The following SCFD1 variants were observed in gnomAD, a reference collection of about 807,000 sequenced individuals.
The protein encoded by SCFD1 is sec1 family domain-containing protein 1.
In SCFD1, 37 loss-of-function variants were observed where a neutral mutation model predicts 103.2. That is an observed-to-expected ratio of 0.36 (90% CI 0.28 to 0.47). SCFD1 has a LOEUF of 0.47. SCFD1 is among the 20% of genes least tolerant of loss of function. The pLI is 1.00. For missense variants in SCFD1, 639 were observed against 761.2 expected, an observed-to-expected ratio of 0.84 and a Z score of 1.89; for synonymous variants, 264 against 245.0, an observed-to-expected ratio of 1.08 and a Z score of -0.73.
chr14:30,683,403 C>T, intron 14 of SCFD1: 4 of 533,690 alleles, frequency 7.5e-6, no homozygotes, highest in Middle Eastern at 6.2e-4. Flanking sequence ...GGCAGCTGCT[C>T]CATGGATGGC....
chr14:30,696,755 T>A (rs1255776161), intron 15 of SCFD1, among the ~76,000 whole-genome samples: 1 of 152,034 alleles, frequency 6.6e-6, no homozygotes, highest in Non-Finnish European at 1.5e-5. Context: ...AGGTGAGACG[T>A]ATGTCTAGGT....
chr14:30,674,885 C>T, intron 13 of SCFD1, 99 bp from the exon 14 acceptor site: 1 of 577,634 alleles, frequency 1.7e-6, no homozygotes, highest in Non-Finnish European at 3.0e-6. Flanking sequence ...TACTGTTTCA[C>T]TGTTCTGAGT....
chr14:30,643,007 CA>C (rs942928089), intron 6 of SCFD1, among the ~76,000 whole-genome samples: 1 of 151,526 alleles, frequency 6.6e-6, no homozygotes, highest in Non-Finnish European at 1.5e-5. Flanking sequence ...CCCATCTCTA[CA>C]AAAAAAATTG....
chr14:30,730,011 C>T (rs780366552), intron 23 of SCFD1, among the ~76,000 whole-genome samples: 3 of 152,146 alleles, frequency 2.0e-5, no homozygotes, highest in Non-Finnish European at 4.4e-5. Context: ...CTCCCCGCTT[C>T]CCTTACCCCA....
intron 23 of SCFD1, among the ~76,000 whole-genome samples, chr14:30,723,635 G>T (rs757764301): frequency 2.0e-5 from 3 of 152,176 alleles, no homozygotes; most frequent in African/African-American, 7.2e-5. Context: ...GCTTATAAAT[G>T]AGAACATGAA....
At chr14:30,637,997 G>A (rs1884899051) in intron 4 of SCFD1, 128 bp from the exon 5 acceptor site, 1 of 1,225,172 alleles carries the variant, frequency 8.2e-7, no homozygotes, top group Admixed American at 3.6e-5. Context: ...TTTTCTCTTG[G>A]GATACTTTTT....
chr14:30,726,658 G>A (rs552257852), intron 23 of SCFD1, among the ~76,000 whole-genome samples: 51 of 152,256 alleles, frequency 3.3e-4, no homozygotes, highest in African/African-American at 1.1e-3. Context: ...GCTTTTAATT[G>A]AGGAGCGTAC....
intron 10 of SCFD1, among the ~76,000 whole-genome samples, chr14:30,659,552 G>A (rs920327270): frequency 1.3e-5 from 2 of 152,154 alleles, no homozygotes; most frequent in Admixed American, 6.5e-5. Flanking sequence ...AAGACTGGTA[G>A]AAATGTTTGC....
intron 6 of SCFD1, among the ~76,000 whole-genome samples, chr14:30,641,923 T>C (rs1368489404): frequency 1.3e-5 from 2 of 152,236 alleles, no homozygotes; most frequent in East Asian, 1.9e-4. Flanking sequence ...TTTCAACATA[T>C]AGTTATTGAT....
chr14:30,711,605 ACAT>A (rs1436120793), intron 19 of SCFD1, among the ~76,000 whole-genome samples: 1 of 152,220 alleles, frequency 6.6e-6, no homozygotes, highest in African/African-American at 2.4e-5. Context: ...ATACATCAAA[ACAT>A]CATGTTGTAC....
intron 23 of SCFD1, among the ~76,000 whole-genome samples, chr14:30,725,117 T>C (rs1348099810): frequency 1.3e-5 from 2 of 152,210 alleles, no homozygotes; most frequent in Non-Finnish European, 2.9e-5. Flanking sequence ...TCTGGTAGCA[T>C]GATGCCTCCA....
At chr14:30,665,659 A>G (rs1306446103) in intron 10 of SCFD1, among the ~76,000 whole-genome samples, 2 of 152,194 alleles carry the variant, frequency 1.3e-5, no homozygotes, top group African/African-American at 4.8e-5. Context: ...TCACATGTGC[A>G]GAGACACACA....
chr14:30,630,083 T>C (rs1206004391), intron 2 of SCFD1, among the ~76,000 whole-genome samples: 2 of 152,016 alleles, frequency 1.3e-5, no homozygotes, highest in Non-Finnish European at 2.9e-5. Context: ...TTATGATAGC[T>C]TAAGGATTTT....
chr14:30,630,970 ACAT>A (rs1245041126), intron 3 of SCFD1: 3 of 171,182 alleles, frequency 1.8e-5, no homozygotes, highest in Non-Finnish European at 3.7e-5. Context: ...AACCTACCAA[ACAT>A]CATAGCTTAG....
Position 30,628,239 on chromosome 14 carries a change from T to G in SCFD1, c.92T>G (p.Val31Gly). Reference sequence around the variant, plus strand: ...TTGAAGCGTATGTTGAATTTCAATGTGCCTCATATTAAAAACAGCACAGGA... The same window carrying G: ...TTGAAGCGTATGTTGAATTTCAATGGGCCTCATATTAAAAACAGCACAGGA... ...VALKRMLNFNVPHIKNSTGEP... is the reference protein window; with the variant it reads ...VALKRMLNFNGPHIKNSTGEP... Residue 31 changes from valine to glycine, a missense_variant, in exon 2 of 25, where the codon GTG becomes GGG. Val to Gly is a moderately radical substitution (Grantham distance 109). Coordinates refer to ENST00000458591, the MANE Select transcript of SCFD1 (RefSeq NM_016106.4). The G allele has an allele frequency of 6.2e-7, 1 of 1,612,220 alleles. No homozygotes were observed. Among genetic ancestry groups the G allele is most frequent in the Non-Finnish European group, 8.5e-7 (1 of 1,178,582 alleles).
intron 17 of SCFD1, among the ~76,000 whole-genome samples, chr14:30,705,604 C>T: frequency 6.6e-6 from 1 of 152,086 alleles, no homozygotes; most frequent in Non-Finnish European, 1.5e-5. Flanking sequence ...CCACTGCATT[C>T]CAGCCTGGGT....
At chr14:30,730,975 T>C (rs1265648079) in intron 23 of SCFD1, among the ~76,000 whole-genome samples, 3 of 152,194 alleles carry the variant, frequency 2.0e-5, no homozygotes, top group African/African-American at 4.8e-5. Context: ...AGGGTTTTTA[T>C]GGTTTTAGGT....
intron 23 of SCFD1, 114 bp from the exon 24 acceptor site, chr14:30,734,676 C>T: frequency 1.3e-6 from 1 of 795,230 alleles, no homozygotes. Context: ...CAACAGTATC[C>T]CAAAGAAAGA....
chr14:30,636,665 C>T (rs1884756487), intron 4 of SCFD1, among the ~76,000 whole-genome samples: 1 of 151,980 alleles, frequency 6.6e-6, no homozygotes, highest in Non-Finnish European at 1.5e-5. Context: ...GAAATTGTGT[C>T]CTCCAACTTT....
Sources: allele counts gnomAD v4.1 joint callset (sites outside exome capture counted in the v4.1 genomes callset), GRCh38; gene constraint gnomAD v4.1.1; transcripts MANE v1.5; gene names NCBI Gene and HGNC (gene_info 2026-07-23, HGNC 2026-07-21).